The following ANAPC1 variants were observed in gnomAD, a reference collection of about 807,000 sequenced individuals.
ANAPC1 encodes the protein anaphase-promoting complex subunit 1.
Under a neutral mutation model 208.0 loss-of-function variants are expected in ANAPC1, and 36 were observed. The ratio of observed to expected loss-of-function variants is 0.17; its 90% CI spans 0.13 to 0.23. ANAPC1 has a LOEUF of 0.23. Among genes scored for constraint, ANAPC1 ranks in the 10% least tolerant of loss-of-function variants. The pLI is 1.00. For missense variants in ANAPC1, 942 were observed against 2,011.6 expected (o/e 0.47, Z 10.17); for synonymous variants, 378 against 695.2 (o/e 0.54, Z 7.18).
chr2:111,801,148 G>A (rs1678422457), intron 33 of ANAPC1, among the ~76,000 whole-genome samples: 1 of 152,052 alleles, frequency 6.6e-6, no homozygotes. Flanking sequence ...CTGAAGCCCA[G>A]GAGTTTGAGA....
At chr2:111,769,771 T>G (rs1190313116) in intron 47 of ANAPC1, among the ~76,000 whole-genome samples, 1 of 134,986 alleles carries the variant, frequency 7.4e-6, no homozygotes, top group Middle Eastern at 3.7e-3. Flanking sequence ...AAACTCCACC[T>G]CCTGGGTTCA....
At chr2:111,833,182 A>G (rs1369115749) in intron 20 of ANAPC1, 38 bp downstream of exon 20, 1 of 1,556,220 alleles carries the variant, frequency 6.4e-7, no homozygotes, top group East Asian at 2.3e-5. Flanking sequence ...AAATATCACT[A>G]CACTGTTTAG....
rs1010307491 is a variant in ANAPC1 at position 111,877,265 on chromosome 2, CTCAA to C, written c.375+1541_375+1544del. Among the ~76,000 whole-genome samples the C allele has an allele frequency of 5.4e-5, 8 of 149,446 alleles. 1 individual carries two copies. In the South Asian group the frequency reaches 6.5e-4, roughly 12 times the overall value. On this transcript the variant is annotated intron_variant, in intron 3 of 47. Coordinates refer to ENST00000341068, the MANE Select transcript of ANAPC1 (RefSeq NM_022662.4). ...TATCTTTTTAGCTAGAAAACCAGGA[CTCAA>C]TCAAAGTTCATTTAACAAGGATCAA...
In ANAPC1 at chr2:111,864,874, T is replaced by C. The variant is rs1447580837; in HGVS notation, c.763A>G (p.Ile255Val). 18 of 1,611,690 alleles carry C rather than the reference T, an allele frequency of 1.1e-5. No homozygotes were observed. The highest frequency in any genetic ancestry group is 1.2e-5 in the Non-Finnish European group (14 of 1,179,762). Residue 255 changes from isoleucine (I) to valine (V), a missense_variant, in exon 8 of 48, where the codon ATT becomes GTT. Transcript: ENST00000341068. The stretch of plus-strand genomic sequence containing the variant: ...TGAACAGCATCATAAGTCATTACAA[T>C]AGAGGGGTCAGTATTGAGGAAAACA... ...KIVFLNTDPS[I>V]VMTYDAVQNV...
chr2:111,830,866 A>G (rs1680091804), intron 21 of ANAPC1, among the ~76,000 whole-genome samples: 2 of 152,242 alleles, frequency 1.3e-5, no homozygotes. Flanking sequence ...ACTTAACTAT[A>G]TGACCCATCA....
At chr2:111,882,284 T>C (rs1362113361) in intron 1 of ANAPC1, among the ~76,000 whole-genome samples, 1 of 152,046 alleles carries the variant, frequency 6.6e-6, no homozygotes, top group Non-Finnish European at 1.5e-5. Context: ...GCCCTGCAAG[T>C]AAAACACTTT....
At chr2:111,828,647 TATGG>T (rs1455616872) in intron 21 of ANAPC1, among the ~76,000 whole-genome samples, 2 of 152,176 alleles carry the variant, frequency 1.3e-5, no homozygotes, top group Non-Finnish European at 2.9e-5. Flanking sequence ...CATGCTACAA[TATGG>T]ATGAACATTG....
intron 30 of ANAPC1, among the ~76,000 whole-genome samples, chr2:111,804,934 CTTT>C (rs555169204): frequency 6.4e-5 from 2 of 31,256 alleles, no homozygotes; most frequent in South Asian, 3.0e-3. Context: ...TCCACTATAA[CTTT>C]TTTTTTTTTT....
chr2:111,831,985 C>A (rs1445825551), intron 20 of ANAPC1, among the ~76,000 whole-genome samples: 4 of 146,692 alleles, frequency 2.7e-5, no homozygotes, highest in Non-Finnish European at 6.0e-5. Flanking sequence ...TTCTTGTTCC[C>A]AAGGCATACA....
rs563073906 is a variant in ANAPC1 at position 111,883,477 on chromosome 2, A to G, written c.-25+465T>C. Among the ~76,000 whole-genome samples the G allele has an allele frequency of 4.6e-5, 7 of 152,142 alleles. No homozygotes were observed. The South Asian group carries it at 1.5e-3, about 32-fold the overall frequency. ...AACAGCTACACGTAAAAATACTATTAAATTTATATGCTATAAATAACAGTA... is the reference window on the plus strand; with the variant it reads ...AACAGCTACACGTAAAAATACTATTGAATTTATATGCTATAAATAACAGTA... On this transcript the variant is annotated intron_variant, in intron 1 of 47. Coordinates refer to ENST00000341068, the MANE Select transcript of ANAPC1 (RefSeq NM_022662.4).
intron 27 of ANAPC1, among the ~76,000 whole-genome samples, chr2:111,816,371 A>C: frequency 6.6e-6 from 1 of 151,650 alleles, no homozygotes; most frequent in South Asian, 2.1e-4. Context: ...CTATATATAC[A>C]TACAGATATA....
At chr2:111,770,866 T>C (rs1160667509) in intron 47 of ANAPC1, among the ~76,000 whole-genome samples, 1 of 151,602 alleles carries the variant, frequency 6.6e-6, no homozygotes, top group Admixed American at 6.6e-5. Flanking sequence ...GTATGATAAC[T>C]CCAATATCTG....
chr2:111,777,175 G>A lies in ANAPC1; in HGVS notation c.5386-118C>T, dbSNP rs1677037801. ...CCGAATTATAAAGGGTCGGGGGGTGGTCCATTCTGTGTTTTGATGCAGTCT... is the reference window on the plus strand; with the variant it reads ...CCGAATTATAAAGGGTCGGGGGGTGATCCATTCTGTGTTTTGATGCAGTCT... On this transcript the variant is annotated intron_variant, in intron 45 of 47. Transcript: ENST00000341068. 8 of 647,470 alleles carry A rather than the reference G, an allele frequency of 1.2e-5. No homozygotes were observed. In the East Asian group the frequency reaches 2.2e-4, roughly 18 times the overall value. The allele number at this position is 647,470 out of a possible 1,614,324, so 40.1% of individuals were successfully genotyped here.
At chr2:111,819,947 C>G in intron 26 of ANAPC1, among the ~76,000 whole-genome samples, 1 of 152,150 alleles carries the variant, frequency 6.6e-6, no homozygotes, top group East Asian at 1.9e-4. Flanking sequence ...GCTGTTGCAA[C>G]CCATAGAATT....
At position 111,873,634 on chromosome 2, in the gene ANAPC1, C is replaced by T. The variant is rs1336750923; in HGVS notation, c.406G>A (p.Asp136Asn). The T allele has an allele frequency of 3.8e-6, 6 of 1,583,608 alleles. No homozygotes were observed. Among genetic ancestry groups the T allele is most frequent in the Non-Finnish European group, 5.1e-6 (6 of 1,171,880 alleles). The change falls in exon 4 of 48, where the codon GAT (aspartate) becomes AAT (asparagine). Residue 136 changes from aspartate (D) to asparagine (N), a missense_variant. Coordinates refer to ENST00000341068, the MANE Select transcript of ANAPC1 (RefSeq NM_022662.4). ...ALWCDFIISQ[D>N]KSEKAYSSNE... ...TTACTGTAGGCCTTTTCAGACTTAT[C>T]CTGTGATATAATGAAGTCACACCAC...
At chr2:111,799,140 G>A (rs1262122623) in intron 34 of ANAPC1, among the ~76,000 whole-genome samples, 2 of 150,952 alleles carry the variant, frequency 1.3e-5, no homozygotes, top group Non-Finnish European at 3.0e-5. Flanking sequence ...ATAAGCAAAA[G>A]ACATGCACAG....
chr2:111,868,415 C>T (rs536655460), intron 6 of ANAPC1, among the ~76,000 whole-genome samples: 1 of 152,116 alleles, frequency 6.6e-6, no homozygotes, highest in African/African-American at 2.4e-5. Flanking sequence ...TTTTATTGAC[C>T]TCTCTTACTG....
chr2:111,846,556 T>C (rs1276209385), intron 16 of ANAPC1, among the ~76,000 whole-genome samples: 2 of 60,696 alleles, frequency 3.3e-5, no homozygotes, highest in African/African-American at 1.5e-4. Context: ...TATATATATA[T>C]ATATTTTTTT....
At chr2:111,804,199 AT>A (rs1452488146) in intron 30 of ANAPC1, among the ~76,000 whole-genome samples, 3 of 138,100 alleles carry the variant, frequency 2.2e-5, no homozygotes, top group East Asian at 4.2e-4. Flanking sequence ...AACTATGATA[AT>A]AATAGTAATT....
Sources: gnomAD v4.1 joint callset for allele counts (sites outside exome capture counted in the v4.1 genomes callset) on GRCh38, gnomAD v4.1.1 for gene constraint, MANE v1.5 for transcripts, NCBI Gene and HGNC (gene_info 2026-07-23, HGNC 2026-07-21) for gene names.